MICAL3: variants seen among roughly 807,000 people sequenced by gnomAD.
The protein encoded by MICAL3 is [F-actin]-monooxygenase MICAL3.
Under a neutral mutation model 207.4 loss-of-function variants are expected in MICAL3, and 62 were observed. The observed-to-expected ratio is 0.30, with a 90% CI of 0.24 to 0.37. The LOEUF (loss-of-function observed/expected upper bound fraction) is 0.37. Among genes scored for constraint, MICAL3 ranks in the 10% least tolerant of loss-of-function variants. The pLI is 1.00. For missense variants in MICAL3, 2,368 were observed against 2,635.6 expected (o/e 0.90, Z 2.22); for synonymous variants, 1,077 against 1,069.3 (o/e 1.01, Z -0.14).
At chr22:17,876,811 G>GGGAGGTTAGGGAGGTTAT (rs1569109107) in intron 16 of MICAL3, 1 of 40,606 alleles carries the variant, frequency 2.5e-5, no homozygotes, top group Non-Finnish European at 5.5e-5. Flanking sequence ...ATGGAGGTTA[G>GGGAGGTTAGGGAGGTTAT]GGAGGTTAGG....
At chr22:17,966,855 T>C (rs375881830) in intron 1 of MICAL3, among the ~76,000 whole-genome samples, 2 of 150,222 alleles carry the variant, frequency 1.3e-5, no homozygotes, top group Admixed American at 1.3e-4. Flanking sequence ...CTGCAATTAA[T>C]TGACAGAAAA....
chr22:17,856,752 G>A (rs1925951451), intron 19 of MICAL3, among the ~76,000 whole-genome samples: 1 of 151,692 alleles, frequency 6.6e-6, no homozygotes, highest in Admixed American at 6.6e-5. Flanking sequence ...CTCCCGAGTA[G>A]CTGGGACTAC....
chr22:17,951,529 GCA>G (rs1934349259), intron 1 of MICAL3, among the ~76,000 whole-genome samples: 1 of 151,654 alleles, frequency 6.6e-6, no homozygotes, highest in South Asian at 2.1e-4. Flanking sequence ...AAAACTCAGG[GCA>G]CAGAGAACAA....
chr22:17,926,262 G>T (rs1292086656), intron 1 of MICAL3, among the ~76,000 whole-genome samples: 1 of 152,196 alleles, frequency 6.6e-6, no homozygotes, highest in Non-Finnish European at 1.5e-5. Context: ...ATTCCAGGAC[G>T]TCTGTGCCCT....
intron 19 of MICAL3, among the ~76,000 whole-genome samples, chr22:17,844,037 C>G (rs1163811863): frequency 6.6e-6 from 1 of 152,100 alleles, no homozygotes; most frequent in African/African-American, 2.4e-5. Flanking sequence ...TTAGTAGAGA[C>G]GGGTTTCACC....
chr22:17,841,382 T>G lies in MICAL3; in HGVS notation c.2801+440A>C. 2 of 264,378 alleles carry G rather than the reference T, an allele frequency of 7.6e-6. No homozygotes were observed. Among genetic ancestry groups the G allele is most frequent in the Non-Finnish European group, 7.3e-6 (1 of 137,326 alleles). The allele number at this position is 264,378 out of a possible 1,614,324, so 16.4% of individuals were successfully genotyped here. ...CTGCATGCGGCCCCTGGGGCACACA[T>G]TTTCAGTCCCTTTCTTTACCTACAG... On this transcript the variant is annotated intron_variant, in intron 20 of 31. Transcript: ENST00000441493. The surrounding 1 kb of genome is among the most constrained non-coding windows in gnomAD (Gnocchi z 4.2).
At chr22:17,875,549 C>T in intron 16 of MICAL3, 1 of 1,547,344 alleles carries the variant, frequency 6.5e-7, no homozygotes, top group South Asian at 1.2e-5. Context: ...GAGGTTCAGG[C>T]TCTGGCTATA....
chr22:17,980,027 T>A (rs1395046615), intron 1 of MICAL3, among the ~76,000 whole-genome samples: 1 of 152,110 alleles, frequency 6.6e-6, no homozygotes, highest in Non-Finnish European at 1.5e-5. Flanking sequence ...AGGGGTCTCA[T>A]TATATTGTCC....
chr22:17,913,278 G>C (rs1221382756), intron 1 of MICAL3, among the ~76,000 whole-genome samples: 1 of 152,044 alleles, frequency 6.6e-6, no homozygotes, highest in Non-Finnish European at 1.5e-5. Context: ...GCAGGGACTG[G>C]GTCTCTGCGC....
In MICAL3 at chr22:17,926,431, T is replaced by A. The variant is rs1008766629; in HGVS notation, c.-74-19545A>T. On this transcript the variant is annotated intron_variant, in intron 1 of 31. Transcript: ENST00000441493. ...TGCTCCTCCGGCTTTTTATGCCACTTTCTAAGTAAAGAGGATGCTCAGGGC... is the reference window on the plus strand; with the variant it reads ...TGCTCCTCCGGCTTTTTATGCCACTATCTAAGTAAAGAGGATGCTCAGGGC... 6.6e-5 allele frequency among the ~76,000 whole-genome samples: 10 copies of A among 152,220 alleles called. 1 individual carries two copies. The highest frequency in any genetic ancestry group is 2.4e-4 in the African/African-American group (10 of 41,452).
chr22:17,844,679 G>A (rs917915224), intron 19 of MICAL3, among the ~76,000 whole-genome samples: 5 of 152,194 alleles, frequency 3.3e-5, no homozygotes, highest in South Asian at 2.1e-4. Flanking sequence ...CCCTGTACAC[G>A]TGCCCACTTG....
intron 28 of MICAL3, among the ~76,000 whole-genome samples, chr22:17,809,717 G>A (rs1348498843): frequency 6.6e-6 from 1 of 152,178 alleles, no homozygotes; most frequent in African/African-American, 2.4e-5. Flanking sequence ...TGGAGAATGG[G>A]AGGAGAGCTC....
At chr22:17,804,507 T>C (rs1039084777) in intron 29 of MICAL3, among the ~76,000 whole-genome samples, 4 of 152,238 alleles carry the variant, frequency 2.6e-5, no homozygotes, top group South Asian at 2.1e-4. Context: ...CAGAGACTCA[T>C]GCAGAGTTCT....
rs1048674494 is a variant in MICAL3 at position 17,789,755 on chromosome 22, C to A, written c.*977G>T. The A allele has an allele frequency of 6.6e-6, 1 of 152,226 alleles. No homozygotes were observed. The highest frequency in any genetic ancestry group is 1.5e-5 in the Non-Finnish European group (1 of 68,040). The allele number at this position is 152,226 out of a possible 1,614,324, so 9.4% of individuals were successfully genotyped here. On this transcript the variant is annotated 3_prime_UTR_variant, in exon 32 of 32. Coordinates refer to ENST00000441493, the MANE Select transcript of MICAL3 (RefSeq NM_015241.3). ...TGCCGCTGTGGCTCCCGCACCCGGG[C>A]GCAGGTGATCAGTTCCTCTAGTAAA...
At chr22:17,987,204 G>A (rs1028010721) in intron 1 of MICAL3, among the ~76,000 whole-genome samples, 3 of 152,116 alleles carry the variant, frequency 2.0e-5, no homozygotes, top group Non-Finnish European at 4.4e-5. Flanking sequence ...TCATGCCACC[G>A]CACTCCAGCC....
chr22:17,840,289 A>G (rs891635119), intron 20 of MICAL3: 3 of 151,984 alleles, frequency 2.0e-5, no homozygotes, highest in African/African-American at 7.3e-5. Flanking sequence ...ACAGGGTTTC[A>G]TTATGTTGGC....
chr22:17,858,940 C>T (rs1271678363), intron 19 of MICAL3, among the ~76,000 whole-genome samples: 1 of 152,202 alleles, frequency 6.6e-6, no homozygotes, highest in Admixed American at 6.5e-5. Flanking sequence ...ATTACTGACG[C>T]TTAGTTAATT....
chr22:17,873,640 G>C (rs1177079497), intron 16 of MICAL3, among the ~76,000 whole-genome samples: 1 of 152,224 alleles, frequency 6.6e-6, no homozygotes, highest in East Asian at 1.9e-4. Flanking sequence ...TAGGCCAGGA[G>C]GGCTTATTTT....
intron 28 of MICAL3, 84 bp downstream of exon 28, chr22:17,810,619 G>C: frequency 3.6e-6 from 4 of 1,112,804 alleles, no homozygotes; most frequent in Non-Finnish European, 5.4e-6. Context: ...CTGTGCTTGT[G>C]TGGCAGGGAG....
Sources: allele counts gnomAD v4.1 joint callset (sites outside exome capture counted in the v4.1 genomes callset), GRCh38; gene constraint gnomAD v4.1.1; non-coding constraint Gnocchi (gnomAD v3.1); transcripts MANE v1.5; gene names NCBI Gene and HGNC (gene_info 2026-07-23, HGNC 2026-07-21).